The following MIS18BP1 variants were observed in gnomAD, a reference collection of about 807,000 sequenced individuals.
MIS18BP1 encodes mis18-binding protein 1.
A neutral mutation model predicts 116.1 loss-of-function variants in MIS18BP1; 72 were observed. That is an observed-to-expected ratio of 0.62 (90% CI 0.51 to 0.75). The LOEUF (loss-of-function observed/expected upper bound fraction) is 0.75, where lower values mean the gene tolerates loss of function less well. Among genes scored for constraint, MIS18BP1 ranks in the 30% least tolerant of loss-of-function variants. The pLI, the probability that MIS18BP1 is intolerant of heterozygous loss-of-function variation, is 0.00. For missense variants in MIS18BP1, 1,363 were observed against 1,303.2 expected, an observed-to-expected ratio of 1.05 and a Z score of -0.71; for synonymous variants, 386 against 427.0, an observed-to-expected ratio of 0.90 and a Z score of 1.18.
At chr14:45,217,371 T>G (rs1174919549) in intron 12 of MIS18BP1, among the ~76,000 whole-genome samples, 192 bp from the exon 13 acceptor site, 1 of 152,106 alleles carries the variant, frequency 6.6e-6, no homozygotes, top group African/African-American at 2.4e-5. Context: ...GAGGAATGCT[T>G]GAGCCCAGGA....
At chr14:45,235,134 G>T (rs1891387135) in intron 6 of MIS18BP1, among the ~76,000 whole-genome samples, 1 of 151,270 alleles carries the variant, frequency 6.6e-6, no homozygotes, top group Admixed American at 6.6e-5. Flanking sequence ...TTGAACTTAG[G>T]AGGTGGAGGT....
chr14:45,242,472 T>G lies in MIS18BP1; in HGVS notation c.705A>C (p.Glu235Asp), dbSNP rs747026692. ...CTCTAGTTAATGTCTTGTTTCGGGC[T>G]TCTACAGCCAAAAAATTTTCCTGTT... ...NQEQENFLAV[E>D]ARNKTLTRAQ... Residue 235 changes from glutamate (E) to aspartate (D), a missense_variant, in exon 4 of 17, where the codon GAA becomes GAC. Coordinates refer to ENST00000310806, the MANE Select transcript of MIS18BP1 (RefSeq NM_018353.5). The G allele has an allele frequency of 1.3e-6, 2 of 1,599,496 alleles. No individual in the cohort carries two copies. The highest frequency in any genetic ancestry group is 2.3e-5 in the South Asian group (2 of 87,814).
intron 13 of MIS18BP1, among the ~76,000 whole-genome samples, chr14:45,213,699 G>A (rs1890738177): frequency 6.6e-6 from 1 of 152,174 alleles, no homozygotes; most frequent in East Asian, 1.9e-4. Context: ...GCCGTTAGTA[G>A]GAACCCAAGC....
In MIS18BP1 at chr14:45,217,170, C is replaced by T. The variant is rs764134209; in HGVS notation, c.2852G>A (p.Gly951Asp). The T allele has an allele frequency of 2.5e-6, 4 of 1,613,742 alleles. No homozygotes were observed. The highest frequency in any genetic ancestry group is 2.2e-5 in the East Asian group (1 of 44,866). ...AATAGTTTGTTTCTGATCAGCATCA[C>T]CTCTCTTGCCTTAAGAGTCAGCAAA... ...ANSKGQNGKR[G>D]DADQKQTIKI... The change falls in exon 13 of 17, where the codon GGT becomes GAT. Residue 951 changes from glycine (G) to aspartate (D), a missense_variant. By Grantham distance (94) the Gly-to-Asp change is moderately conservative. Transcript: ENST00000310806.
rs565375256 is a variant in MIS18BP1, at chr14:45,242,091, T to C, written c.1086A>G (p.Ser362=). The part of the protein sequence containing the change: ...TIPRRSKRNI[S]KLSPPRIFQT... ...GAAATATTCTTGGAGGAGAAAGCTT[T>C]GAAATATTTCTTTTTGACCTCCGAG... Residue 362 remains serine (S), a synonymous_variant, in exon 4 of 17, where the codon TCA becomes TCG. Coordinates refer to ENST00000310806, the MANE Select transcript of MIS18BP1 (RefSeq NM_018353.5). 1 of 1,613,866 alleles carries C rather than the reference T, an allele frequency of 6.2e-7. No homozygotes were observed. The highest frequency in any genetic ancestry group is 1.7e-5 in the Admixed American group (1 of 59,992).
rs565443622 is a variant in MIS18BP1 at position 45,211,405 on chromosome 14, A to G, written c.3004-877T>C. On this transcript the variant is annotated intron_variant, in intron 13 of 16. Transcript: ENST00000310806. ...GGTGCTGGCCCCTTCACCAAATGGA[A>G]TAATATTTCAAGATAAGCTGTTGGA... 2.6e-5 allele frequency among the ~76,000 whole-genome samples: 4 copies of G among 152,260 alleles called. No homozygotes were observed. The South Asian group carries it at 6.2e-4, about 24-fold the overall frequency.
At position 45,224,324 on chromosome 14, in the gene MIS18BP1, C is replaced by G; in HGVS notation, c.2263G>C (p.Glu755Gln). 1 of 1,613,816 alleles carries G rather than the reference C, an allele frequency of 6.2e-7. No homozygotes were observed. The change falls in exon 11 of 17, where the codon GAA (glutamate) becomes CAA (glutamine). Residue 755 changes from glutamate to glutamine, a missense_variant. By Grantham distance (29) the Glu-to-Gln change is conservative. Transcript: ENST00000310806. ...TAAAATGACATAGCTACCTGATTTT[C>G]TATTTTCTTCAATTTTGGTAATAGT... Reference protein sequence around the residue: ...TRLLPKLKKIENQVAMSFYKH... With the variant: ...TRLLPKLKKIQNQVAMSFYKH...
rs1890419244 is a variant in MIS18BP1, at chr14:45,203,404, A to C, written c.*705T>G. Reference sequence around the variant, plus strand: ...TGGTGGATCTATTAACTGTTTGTCTAATCTAGTCAAAATATTTAAGCTGTT... The same window carrying C: ...TGGTGGATCTATTAACTGTTTGTCTCATCTAGTCAAAATATTTAAGCTGTT... On this transcript the variant is annotated 3_prime_UTR_variant, in exon 17 of 17. Coordinates refer to ENST00000310806, the MANE Select transcript of MIS18BP1 (RefSeq NM_018353.5). 6.6e-6 allele frequency: 1 copy of C among 152,178 alleles called. No individual in the cohort carries two copies. Among genetic ancestry groups the C allele is most frequent in the Non-Finnish European group, 1.5e-5 (1 of 68,020 alleles). 9.4% of individuals were successfully genotyped at this position (152,178 alleles called of 1,614,324 possible).
chr14:45,230,965 A>C (rs1190826011), intron 8 of MIS18BP1, among the ~76,000 whole-genome samples, 176 bp downstream of exon 8: 1 of 152,214 alleles, frequency 6.6e-6, no homozygotes, highest in Non-Finnish European at 1.5e-5. Context: ...ACCATGATTA[A>C]TCTGTATTAT....
At chr14:45,215,859 C>G (rs979091237) in intron 13 of MIS18BP1, among the ~76,000 whole-genome samples, 15 of 151,960 alleles carry the variant, frequency 9.9e-5, no homozygotes, top group African/African-American at 3.4e-4. Flanking sequence ...CGGCCGCCAC[C>G]ATGCCTAGCT....
rs1445007514 is a variant in MIS18BP1, at chr14:45,246,689, G to A, written c.544+54C>T. 8 of 1,482,766 alleles carry A rather than the reference G, an allele frequency of 5.4e-6. No homozygotes were observed. The East Asian group carries it at 1.8e-4, about 34-fold the overall frequency. 91.9% of individuals were successfully genotyped at this position (1,482,766 alleles called of 1,614,324 possible). On this transcript the variant is annotated intron_variant, in intron 2 of 16. Coordinates refer to ENST00000310806, the MANE Select transcript of MIS18BP1 (RefSeq NM_018353.5). ...ATTCTGAGCACCTAAAACAGTGTCTGAAACATTAAACACTTAAGACATTAC... is the reference window on the plus strand; with the variant it reads ...ATTCTGAGCACCTAAAACAGTGTCTAAAACATTAAACACTTAAGACATTAC...
chr14:45,209,624 T>C (rs1890621239), intron 14 of MIS18BP1, among the ~76,000 whole-genome samples: 1 of 152,210 alleles, frequency 6.6e-6, no homozygotes, highest in Non-Finnish European at 1.5e-5. Context: ...TGGCTCTTCA[T>C]TAATTTCTAT....
chr14:45,227,574 A>C, intron 9 of MIS18BP1, 89 bp downstream of exon 9: 1 of 1,091,928 alleles, frequency 9.2e-7, no homozygotes. Flanking sequence ...AACAGAACTC[A>C]CGTCCCTGAT....
intron 15 of MIS18BP1, among the ~76,000 whole-genome samples, chr14:45,205,059 C>G (rs1890476445): frequency 6.6e-6 from 1 of 152,060 alleles, no homozygotes; most frequent in Admixed American, 6.5e-5. Flanking sequence ...AACTATTGGC[C>G]ATGGCTGGCA....
At chr14:45,204,899 GTAT>G (rs1890470997) in intron 15 of MIS18BP1, among the ~76,000 whole-genome samples, 1 of 151,926 alleles carries the variant, frequency 6.6e-6, no homozygotes, top group East Asian at 1.9e-4. Flanking sequence ...ACTAATTACT[GTAT>G]TACTTTTACC....
chr14:45,239,643 G>A (rs1353880272), intron 4 of MIS18BP1, among the ~76,000 whole-genome samples: 1 of 152,148 alleles, frequency 6.6e-6, no homozygotes, highest in Non-Finnish European at 1.5e-5. Context: ...TGAACAGAAC[G>A]ACAAAATTTG....
chr14:45,234,267 G>T (rs1313512757), intron 6 of MIS18BP1, among the ~76,000 whole-genome samples: 1 of 151,416 alleles, frequency 6.6e-6, no homozygotes, highest in East Asian at 1.9e-4. Flanking sequence ...ATTTACAGAA[G>T]TAAATGTAAA....
chr14:45,227,881 A>G (rs1479327339), intron 8 of MIS18BP1, 67 bp from the exon 9 acceptor site: 5 of 1,523,830 alleles, frequency 3.3e-6, no homozygotes. Context: ...TTCTACATGA[A>G]GAATTAACTT....
At position 45,227,706 on chromosome 14, in the gene MIS18BP1, T is replaced by A. The variant is rs896726823; in HGVS notation, c.1703A>T (p.Asn568Ile). The change falls in exon 9 of 17, where the codon AAT becomes ATT. Residue 568 changes from asparagine to isoleucine, a missense_variant. By Grantham distance (149) the Asn-to-Ile change is moderately radical. Coordinates refer to ENST00000310806, the MANE Select transcript of MIS18BP1 (RefSeq NM_018353.5). ...TCCTCCTCCATTTTGAATAGTATTA[T>A]TTACTTGGTCATCTGGGAACCTTAA... ...PTLRFPDDQV[N>I]NTIQNGGGDD... The A allele has an allele frequency of 4.3e-6, 7 of 1,613,718 alleles. No homozygotes were observed. Among genetic ancestry groups the A allele is most frequent in the Non-Finnish European group, 5.1e-6 (6 of 1,179,720 alleles).
Sources: allele counts gnomAD v4.1 joint callset (sites outside exome capture counted in the v4.1 genomes callset), GRCh38; gene constraint gnomAD v4.1.1; transcripts MANE v1.5; gene names NCBI Gene and HGNC (gene_info 2026-07-23, HGNC 2026-07-21).